Variants in SLC1A6 observed in about 807,000 individuals in gnomAD.
The protein encoded by SLC1A6 is solute carrier family 1 member 6.
SLC1A6 carries 15 observed loss-of-function variants against 42.1 expected under a neutral mutation model. The observed-to-expected ratio is 0.36, with a 90% confidence interval of 0.24 to 0.55. The LOEUF (loss-of-function observed/expected upper bound fraction) is 0.55. Among genes scored for constraint, SLC1A6 ranks in the 20% least tolerant of loss-of-function variants. The pLI is 0.88. For missense variants in SLC1A6, 542 were observed against 772.5 expected, an observed-to-expected ratio of 0.70 and a Z score of 3.54; for synonymous variants, 317 against 319.7, an observed-to-expected ratio of 0.99 and a Z score of 0.09.
At chr19:14,966,423 T>G (rs2045574610) in intron 4 of SLC1A6, among the ~76,000 whole-genome samples, 1 of 152,080 alleles carries the variant, frequency 6.6e-6, no homozygotes, top group African/African-American at 2.4e-5. Flanking sequence ...AGGCGGAGGT[T>G]GCAGTGAGCC....
chr19:15,004,264 T>C (rs929375357), intron 1 of SLC1A6, among the ~76,000 whole-genome samples: 4 of 152,096 alleles, frequency 2.6e-5, no homozygotes, highest in Non-Finnish European at 5.9e-5. Context: ...GGCTTCAGTA[T>C]ATTGGGAGAA....
At chr19:14,997,765 C>T (rs987862384) in intron 1 of SLC1A6, among the ~76,000 whole-genome samples, 5 of 152,098 alleles carry the variant, frequency 3.3e-5, no homozygotes, top group Non-Finnish European at 7.3e-5. Context: ...GGTTGAAAGC[C>T]ACAGGAATTT....
rs546028011 is a variant in SLC1A6, at chr19:15,008,841, C to T, written c.6+1644G>A. Among the ~76,000 whole-genome samples, 70 of 96,010 alleles carry T rather than the reference C, an allele frequency of 7.3e-4. 1 individual carries two copies. In the South Asian group the frequency reaches 0.019, roughly 26 times the overall value. 63.0% of individuals were successfully genotyped at this position (96,010 alleles called of 152,430 possible). ...CTCCACTAAAAAAACAAAAATAATT[C>T]GCGTTTTTTTTTTTTTTACAGGCAG... On this transcript the variant is annotated intron_variant, in intron 1 of 8. Transcript: ENST00000430939.
upstream of SLC1A6, among the ~76,000 whole-genome samples, chr19:14,981,495 C>A (rs1043180192): frequency 6.6e-6 from 1 of 152,116 alleles, no homozygotes; most frequent in African/African-American, 2.4e-5. Context: ...CTTCTCACTC[C>A]GCTGCTTCAG....
At chr19:14,961,282 T>G (rs978170821) in intron 6 of SLC1A6, 2 of 152,222 alleles carry the variant, frequency 1.3e-5, no homozygotes, top group Admixed American at 6.5e-5. Context: ...AACTGAACCA[T>G]TCCACAATGT....
At chr19:15,003,510 C>G (rs1168005631) in intron 1 of SLC1A6, among the ~76,000 whole-genome samples, 1 of 151,912 alleles carries the variant, frequency 6.6e-6, no homozygotes, top group Admixed American at 6.6e-5. Context: ...AATGAGAGAC[C>G]AATTGATGTG....
chr19:14,993,299 G>T (rs1335450935), intron 1 of SLC1A6, among the ~76,000 whole-genome samples: 1 of 152,006 alleles, frequency 6.6e-6, no homozygotes, highest in East Asian at 1.9e-4. Context: ...GCAATGGTGA[G>T]TGACTGCTGA....
At chr19:14,992,478 C>T (rs1011955713) in intron 1 of SLC1A6, among the ~76,000 whole-genome samples, 2 of 151,986 alleles carry the variant, frequency 1.3e-5, no homozygotes, top group African/African-American at 2.4e-5. Flanking sequence ...TAGTGGCTCA[C>T]GCCTGTAATC....
intron 9 of SLC1A6, among the ~76,000 whole-genome samples, chr19:14,951,078 CAAAAAAAAAAA>C (rs59828742): frequency 1.3e-5 from 1 of 79,806 alleles, no homozygotes; most frequent in East Asian, 3.8e-4. Flanking sequence ...ACTAAAAATA[CAAAAAAAAAAA>C]AAAAAAAAAA....
In SLC1A6 at chr19:14,979,469, A is replaced by G. The variant is rs1442734074; in HGVS notation, c.-168T>C. 1.3e-5 allele frequency: 2 copies of G among 151,546 alleles called. No individual in the cohort carries two copies. Among genetic ancestry groups the G allele is most frequent in the African/African-American group, 4.8e-5 (2 of 41,294 alleles). The allele number at this position is 151,546 out of a possible 1,614,324, so 9.4% of individuals were successfully genotyped here. ...CACCTGCCCGCAACCTCCGCGCCGCAGCCACACCGAGTCCCCGCGCCGAGC... is the reference window on the plus strand; with the variant it reads ...CACCTGCCCGCAACCTCCGCGCCGCGGCCACACCGAGTCCCCGCGCCGAGC... On this transcript the variant is annotated 5_prime_UTR_variant, in exon 1 of 10. Transcript: ENST00000594383. The surrounding 1 kb of genome is among the most constrained non-coding windows in gnomAD (Gnocchi z 4.2).
intron 1 of SLC1A6, among the ~76,000 whole-genome samples, chr19:15,010,225 G>GAGAAAAGAAA (rs145113862): frequency 0.1 from 9,341 of 89,792 alleles, 687 homozygotes; most frequent in African/African-American, 0.24. Context: ...AAGAGAGAGA[G>GAGAAAAGAAA]AGAAAAGAAA....
Position 14,953,047 on chromosome 19 carries a change from T to C in SLC1A6, c.1380A>G (p.Ala460=). 1 of 1,613,388 alleles carries C rather than the reference T, an allele frequency of 6.2e-7. No homozygotes were observed. Among genetic ancestry groups the C allele is most frequent in the Non-Finnish European group, 8.5e-7 (1 of 1,179,680 alleles). The change falls in exon 9 of 10, where the codon GCA becomes GCG. Residue 460 remains alanine (A), a synonymous_variant. Transcript: ENST00000594383. ...QITTISITAT[A]ASVGAAGIPQ... is the part of the protein sequence containing the mutation. ...GGATGCCAGCAGCCCCAACACTGGC[T>C]GCTGTGGCCGTGATGCTGCAGGGGG...
upstream of SLC1A6, among the ~76,000 whole-genome samples, chr19:14,982,793 G>A (rs1263147441): frequency 6.6e-6 from 1 of 152,122 alleles, no homozygotes; most frequent in Non-Finnish European, 1.5e-5. Flanking sequence ...ATAGGTTATA[G>A]CTATTGATCT....
chr19:14,961,042 G>T (rs113351333), intron 6 of SLC1A6, among the ~76,000 whole-genome samples: 6,276 of 149,996 alleles, frequency 0.042, 279 homozygotes, highest in African/African-American at 0.1. Context: ...CTCCCAAGCA[G>T]CTGGGACTAC....
chr19:14,964,365 C>A lies in SLC1A6; in HGVS notation c.549-4G>T. On this transcript the variant is annotated splice_region_variant and splice_polypyrimidine_tract_variant and intron_variant, in intron 4 of 9. Coordinates refer to ENST00000594383, the MANE Select transcript of SLC1A6 (RefSeq NM_005071.3). ...AAGGTTTGGTGGAAACATATTTCTGCAGAAAAACATGAGAAGAAGGAAAGT... is the reference window on the plus strand; with the variant it reads ...AAGGTTTGGTGGAAACATATTTCTGAAGAAAAACATGAGAAGAAGGAAAGT... 1.2e-6 allele frequency: 2 copies of A among 1,613,376 alleles called. No homozygotes were observed. The highest frequency in any genetic ancestry group is 1.7e-6 in the Non-Finnish European group (2 of 1,179,486).
intron 1 of SLC1A6, among the ~76,000 whole-genome samples, chr19:15,005,327 G>A (rs2045891067): frequency 6.6e-6 from 1 of 151,312 alleles, no homozygotes; most frequent in African/African-American, 2.4e-5. Flanking sequence ...GCCAACAATG[G>A]TGAACAAATT....
intron 1 of SLC1A6, among the ~76,000 whole-genome samples, chr19:14,993,124 AAGT>A (rs1037440817): frequency 5.9e-5 from 9 of 152,118 alleles, no homozygotes; most frequent in Non-Finnish European, 1.2e-4. Context: ...AATTGTCTAA[AAGT>A]AGAATTTCAG....
intron 2 of SLC1A6, 88 bp downstream of exon 2, chr19:14,972,618 T>C (rs1383991112): frequency 9.3e-7 from 1 of 1,073,184 alleles, no homozygotes; most frequent in East Asian, 2.5e-5. Flanking sequence ...AATGAAGGGG[T>C]GCAGCAAAGA....
chr19:14,952,399 C>T (rs996684463), intron 9 of SLC1A6, among the ~76,000 whole-genome samples: 2 of 151,504 alleles, frequency 1.3e-5, no homozygotes, highest in African/African-American at 4.8e-5. Context: ...ATACAAAAAA[C>T]CAAAAAATTA....
Sources: gnomAD v4.1 joint callset for allele counts (sites outside exome capture counted in the v4.1 genomes callset) on GRCh38, gnomAD v4.1.1 for gene constraint, Gnocchi (gnomAD v3.1) non-coding constraint, MANE v1.5 for transcripts, NCBI Gene and HGNC (gene_info 2026-07-23, HGNC 2026-07-21) for gene names.